Variants in ITPR1 observed in about 807,000 individuals in gnomAD.
ITPR1 encodes inositol 1,4,5-trisphosphate-gated calcium channel ITPR1.
A neutral mutation model predicts 318.4 loss-of-function variants in ITPR1; 96 were observed. That is an observed-to-expected ratio of 0.30 (90% CI 0.26 to 0.36). The LOEUF is 0.36. ITPR1 is among the 10% of genes least tolerant of loss of function. The pLI is 1.00. For synonymous variants in ITPR1, 1,312 were observed against 1,289.9 expected (o/e 1.02, Z -0.37); for missense variants, 2,440 against 3,460.2 (o/e 0.71, Z 7.40).
At chr3:4,830,628 C>G (rs77026447) in intron 60 of ITPR1, among the ~76,000 whole-genome samples, 4,150 of 152,252 alleles carry the variant, frequency 0.027, 90 homozygotes, top group Middle Eastern at 0.051. Context: ...CCCCGTACCC[C>G]CTTCTAGTCG....
At chr3:4,732,537 T>A (rs945232333) in intron 42 of ITPR1, among the ~76,000 whole-genome samples, 1 of 152,232 alleles carries the variant, frequency 6.6e-6, no homozygotes, top group East Asian at 1.9e-4. Flanking sequence ...ATTTATTTCC[T>A]ATAGCATTAT....
intron 60 of ITPR1, 83 bp downstream of exon 60, chr3:4,818,325 C>A: frequency 9.0e-7 from 1 of 1,117,074 alleles, no homozygotes; most frequent in Non-Finnish European, 1.3e-6. Flanking sequence ...CATCGGGGAG[C>A]TGCACAACAG....
chr3:4,610,362 G>C (rs1276917896), intron 4 of ITPR1, among the ~76,000 whole-genome samples: 1 of 151,774 alleles, frequency 6.6e-6, no homozygotes, highest in Admixed American at 6.5e-5. Context: ...ATAATTGTTT[G>C]AATGAGAGAG....
intron 4 of ITPR1, among the ~76,000 whole-genome samples, chr3:4,607,487 C>G (rs2091783012): frequency 6.6e-6 from 1 of 152,078 alleles, no homozygotes; most frequent in African/African-American, 2.4e-5. Flanking sequence ...TGCCCACTGC[C>G]CAAATGGGGC....
chr3:4,756,268 A>G (rs2044978359), intron 44 of ITPR1, among the ~76,000 whole-genome samples: 2 of 152,216 alleles, frequency 1.3e-5, no homozygotes, highest in African/African-American at 4.8e-5. Flanking sequence ...AACGATGTTT[A>G]TCTCTGCACG....
intron 44 of ITPR1, among the ~76,000 whole-genome samples, chr3:4,765,629 C>A (rs922968375): frequency 1.1e-4 from 16 of 151,972 alleles, no homozygotes; most frequent in African/African-American, 3.9e-4. Flanking sequence ...GCAGAAGATA[C>A]ACTGGAAGAA....
At chr3:4,736,510 C>G (rs1462404358) in intron 44 of ITPR1, among the ~76,000 whole-genome samples, 2 of 152,226 alleles carry the variant, frequency 1.3e-5, no homozygotes, top group Non-Finnish European at 2.9e-5. Context: ...CTTTCGCCTT[C>G]CAATCCCCGC....
intron 4 of ITPR1, among the ~76,000 whole-genome samples, chr3:4,543,689 C>T (rs1399750420): frequency 6.6e-6 from 1 of 152,116 alleles, no homozygotes; most frequent in African/African-American, 2.4e-5. Flanking sequence ...GTGATCTGCC[C>T]ACCTCGGCCT....
chr3:4,577,731 G>A (rs893439247), intron 4 of ITPR1, among the ~76,000 whole-genome samples: 2 of 152,128 alleles, frequency 1.3e-5, no homozygotes, highest in Non-Finnish European at 2.9e-5. Context: ...GTACGTCACT[G>A]AAAAAAGGAT....
intron 4 of ITPR1, among the ~76,000 whole-genome samples, chr3:4,564,691 G>A (rs1156917997): frequency 6.6e-6 from 1 of 152,154 alleles, no homozygotes. Context: ...CTCTGAACCT[G>A]CTGGCATCTT....
chr3:4,742,336 A>G (rs2043766725), intron 44 of ITPR1, among the ~76,000 whole-genome samples: 2 of 152,206 alleles, frequency 1.3e-5, no homozygotes, highest in Non-Finnish European at 2.9e-5. Flanking sequence ...GAAGAACATG[A>G]GGGTAAAGTG....
rs1241130801 is a variant in ITPR1, at chr3:4,806,087, C to A, written c.7108-16C>A. 1.2e-6 allele frequency: 2 copies of A among 1,608,698 alleles called. No homozygotes were observed. The highest frequency in any genetic ancestry group is 1.7e-6 in the Non-Finnish European group (2 of 1,176,540). On this transcript the variant is annotated splice_polypyrimidine_tract_variant and intron_variant, in intron 54 of 61. Coordinates refer to ENST00000649015, the MANE Select transcript of ITPR1 (RefSeq NM_001378452.1). ...CACAGTCCGTGCCATCTGACTGTTC[C>A]TGTCATTGTTCTCAGGTATGCAATA...
intron 61 of ITPR1, among the ~76,000 whole-genome samples, chr3:4,840,373 A>AT (rs2051255497): frequency 6.6e-6 from 1 of 152,190 alleles, no homozygotes; most frequent in African/African-American, 2.4e-5. Context: ...ATCTTGTGAT[A>AT]TTTTTTAAAA....
intron 29 of ITPR1, 92 bp from the exon 30 acceptor site, chr3:4,684,977 C>T (rs949121846): frequency 2.8e-5 from 35 of 1,269,356 alleles, no homozygotes; most frequent in Non-Finnish European, 3.7e-5. Context: ...GCATTATAAT[C>T]CCCTTTGCCT....
intron 4 of ITPR1, among the ~76,000 whole-genome samples, chr3:4,599,971 A>G (rs1370299781): frequency 6.6e-6 from 1 of 151,614 alleles, no homozygotes; most frequent in African/African-American, 2.4e-5. Context: ...GGTTGTCCCT[A>G]CTCCCTCCTT....
chr3:4,517,760 C>T (rs1260098230), intron 3 of ITPR1, among the ~76,000 whole-genome samples: 1 of 152,196 alleles, frequency 6.6e-6, no homozygotes, highest in Non-Finnish European at 1.5e-5. Flanking sequence ...AAGAGGCCTC[C>T]TTCTGCCCTG....
chr3:4,540,884 T>C (rs984180143), intron 4 of ITPR1, among the ~76,000 whole-genome samples: 8 of 152,172 alleles, frequency 5.3e-5, no homozygotes, highest in Non-Finnish European at 8.8e-5. Flanking sequence ...CTGTGCTTCA[T>C]TGAAGGTTTT....
At chr3:4,567,050 T>TA (rs2087366238) in intron 4 of ITPR1, among the ~76,000 whole-genome samples, 1 of 152,224 alleles carries the variant, frequency 6.6e-6, no homozygotes, top group Non-Finnish European at 1.5e-5. Context: ...TTAATCTCTT[T>TA]ACCTCAGTTT....
chr3:4,726,328 C>A (rs899433721), intron 41 of ITPR1, among the ~76,000 whole-genome samples: 2 of 142,392 alleles, frequency 1.4e-5, no homozygotes, highest in African/African-American at 5.1e-5. Context: ...CTGCGCCCAG[C>A]CTATGATGCA....
Sources: gnomAD v4.1 joint callset for allele counts (sites outside exome capture counted in the v4.1 genomes callset) on GRCh38, gnomAD v4.1.1 for gene constraint, MANE v1.5 for transcripts, NCBI Gene and HGNC (gene_info 2026-07-23, HGNC 2026-07-21) for gene names.